The following PDE4DIP variants were observed in gnomAD, a reference collection of about 807,000 sequenced individuals.
The protein encoded by PDE4DIP is myomegalin.
A neutral mutation model predicts 221.4 loss-of-function variants in PDE4DIP; 59 were observed. The ratio of observed to expected loss-of-function variants is 0.27; its 90% CI spans 0.22 to 0.33. The LOEUF (loss-of-function observed/expected upper bound fraction) is 0.33. Ranked by LOEUF, PDE4DIP falls within the 10% of genes least tolerant of loss-of-function variation. PDE4DIP has a pLI of 1.00. For missense variants in PDE4DIP, 1,036 were observed against 2,154.2 expected, an observed-to-expected ratio of 0.48 and a Z score of 10.28; for synonymous variants, 404 against 815.9, an observed-to-expected ratio of 0.50 and a Z score of 8.60.
chr1:148,958,454 A>T (rs1403788201), intron 5 of PDE4DIP, among the ~76,000 whole-genome samples: 2 of 152,226 alleles, frequency 1.3e-5, no homozygotes, highest in African/African-American at 4.8e-5. Flanking sequence ...AATGAAATCC[A>T]GTTCATTAAC....
At chr1:148,892,800 TTA>T (rs2149374835) in intron 1 of PDE4DIP, among the ~76,000 whole-genome samples, 1 of 106,652 alleles carries the variant, frequency 9.4e-6, no homozygotes, top group Non-Finnish European at 1.8e-5. Context: ...CATAAAGCCA[TTA>T]TCAATCATTC....
intron 21 of PDE4DIP, chr1:148,982,253 T>G (rs1241566283): frequency 6.6e-6 from 1 of 152,236 alleles, no homozygotes; most frequent in Non-Finnish European, 1.5e-5. Flanking sequence ...AGAGTCAGAA[T>G]TCTCTGTTTA....
At chr1:148,907,006 G>A (rs12040673) in intron 1 of PDE4DIP, among the ~76,000 whole-genome samples, 31,845 of 149,926 alleles carry the variant, frequency 0.21, 3,497 homozygotes, top group East Asian at 0.37. Context: ...CCAAGATCGC[G>A]CCATTGCACT....
chr1:149,028,393 C>A (rs1297663213), intron 40 of PDE4DIP, among the ~76,000 whole-genome samples, 167 bp from the exon 44 acceptor site: 2 of 150,486 alleles, frequency 1.3e-5, no homozygotes, highest in South Asian at 2.1e-4. Context: ...GGAAGGCATT[C>A]CTGGTAAAGG....
chr1:148,821,525 TAGAG>T (rs1347698160), intron 1 of PDE4DIP, among the ~76,000 whole-genome samples: 6 of 150,414 alleles, frequency 4.0e-5, no homozygotes, highest in East Asian at 3.9e-4. Context: ...AAAATTTCGT[TAGAG>T]AGGAATTAAA....
intron 1 of PDE4DIP, among the ~76,000 whole-genome samples, chr1:148,828,657 C>T (rs1305670320): frequency 6.6e-6 from 1 of 151,376 alleles, no homozygotes; most frequent in Non-Finnish European, 1.5e-5. Context: ...CAAGTCTTCC[C>T]TCACTATTCC....
At chr1:148,857,378 T>TTG (rs71259571) in intron 1 of PDE4DIP, among the ~76,000 whole-genome samples, 19 of 39,844 alleles carry the variant, frequency 4.8e-4, no homozygotes, top group Non-Finnish European at 5.8e-4. Flanking sequence ...TTTTTTTTTT[T>TTG]TGAGACGGAG....
chr1:149,022,960 T>G (rs1267911056), intron 37 of PDE4DIP, among the ~76,000 whole-genome samples: 1 of 152,222 alleles, frequency 6.6e-6, no homozygotes, highest in Non-Finnish European at 1.5e-5. Context: ...AAACATCTCT[T>G]AAAAAATAAG....
chr1:149,017,793 G>A lies in PDE4DIP; in HGVS notation c.5564G>A (p.Arg1855His), dbSNP rs587616717. The A allele has an allele frequency of 1.9e-5, 31 of 1,608,970 alleles. 1 individual carries two copies. Among genetic ancestry groups the A allele is most frequent in the African/African-American group, 2.7e-5 (2 of 74,396 alleles). ...CATCTTGGTGAAATCCGGAACCTGC[G>A]CCAGCGCCTGGAGGAATCCATCTGC... Residue 1855 changes from arginine to histidine, a missense_variant, in exon 34 of 44, where the codon CGC (arginine) becomes CAC (histidine). Coordinates refer to ENST00000369354, the Ensembl canonical transcript of PDE4DIP.
chr1:148,829,072 C>G (rs1393425081), intron 1 of PDE4DIP, among the ~76,000 whole-genome samples: 1 of 149,448 alleles, frequency 6.7e-6, no homozygotes, highest in African/African-American at 2.4e-5. Flanking sequence ...TTCCTCAAGA[C>G]AGATACAAGA....
upstream of PDE4DIP, among the ~76,000 whole-genome samples, chr1:148,884,799 T>C (rs1417162727): frequency 9.2e-5 from 14 of 152,096 alleles, no homozygotes; most frequent in African/African-American, 3.4e-4. Flanking sequence ...TAATTTGTCA[T>C]ATACGATTCC....
At chr1:148,987,241 C>T (rs1376706124) in intron 21 of PDE4DIP, among the ~76,000 whole-genome samples, 2 of 152,070 alleles carry the variant, frequency 1.3e-5, no homozygotes, top group Non-Finnish European at 2.9e-5. Context: ...TTCTGTTCCA[C>T]GATCAGAATC....
intron 23 of PDE4DIP, among the ~76,000 whole-genome samples, chr1:149,000,329 C>A (rs1287903223): frequency 6.6e-6 from 1 of 152,112 alleles, no homozygotes; most frequent in Non-Finnish European, 1.5e-5. Context: ...CCAAGGCAGG[C>A]GGATCACCTG....
intron 21 of PDE4DIP, among the ~76,000 whole-genome samples, chr1:148,988,915 A>G (rs1309801588): frequency 6.9e-6 from 1 of 145,062 alleles, no homozygotes; most frequent in Non-Finnish European, 1.5e-5. Context: ...TAAAGGCGGC[A>G]GGCTATTTTA....
At chr1:148,989,718 T>G (rs1371462104) in intron 21 of PDE4DIP, among the ~76,000 whole-genome samples, 2 of 152,306 alleles carry the variant, frequency 1.3e-5, no homozygotes, top group East Asian at 3.9e-4. Context: ...CAGTCTGTTT[T>G]TTGTCACTGA....
At chr1:148,948,527 C>A (rs868924472) in intron 5 of PDE4DIP, among the ~76,000 whole-genome samples, 2 of 149,626 alleles carry the variant, frequency 1.3e-5, no homozygotes, top group South Asian at 2.1e-4. Context: ...GCAATTGGGT[C>A]TTTTACAGAA....
chr1:149,013,927 A>C (rs1302398171), intron 32 of PDE4DIP, among the ~76,000 whole-genome samples: 3 of 151,472 alleles, frequency 2.0e-5, no homozygotes, highest in Non-Finnish European at 2.9e-5. Flanking sequence ...AGCTGGGATT[A>C]CAGGTGTGTG....
chr1:148,923,637 C>G lies in PDE4DIP; in HGVS notation c.142-5560C>G, dbSNP rs1553463662. On this transcript the variant is annotated intron_variant, in intron 1 of 43. Coordinates refer to ENST00000369354, the Ensembl canonical transcript of PDE4DIP. Reference sequence around the variant, plus strand: ...TACAGGAGCCCGCCACCGCTCCCGGCTAATTTTTTGTATTTTTAGTAGAGA... The same window carrying G: ...TACAGGAGCCCGCCACCGCTCCCGGGTAATTTTTTGTATTTTTAGTAGAGA... 4.1e-5 allele frequency among the ~76,000 whole-genome samples: 6 copies of G among 144,816 alleles called. 1 individual carries two copies.
chr1:149,031,959 G>T (rs781914282), exon 44 of PDE4DIP: 18 of 1,608,838 alleles, frequency 1.1e-5, no homozygotes, highest in South Asian at 1.1e-4. Flanking sequence ...ATCCCTAAGG[G>T]CTCTGCCATG....
Sources: gnomAD v4.1 joint callset for allele counts (sites outside exome capture counted in the v4.1 genomes callset) on GRCh38, gnomAD v4.1.1 for gene constraint, MANE v1.5 for transcripts, NCBI Gene and HGNC (gene_info 2026-07-23, HGNC 2026-07-21) for gene names.